Variants in ANXA10 observed in about 807,000 individuals in gnomAD.
The protein encoded by ANXA10 is annexin A10, also known as annexin 14.
ANXA10 carries 49 observed loss-of-function variants against 53.5 expected under a neutral mutation model. The observed-to-expected ratio is 0.92, with a 90% confidence interval of 0.73 to 1.16. The LOEUF is 1.16. Ranked by LOEUF, ANXA10 falls within the 50% of genes most tolerant of loss-of-function variation. The pLI, the probability that ANXA10 is intolerant of heterozygous loss-of-function variation, is 0.00. For synonymous variants in ANXA10, 131 were observed against 128.9 expected, an observed-to-expected ratio of 1.02 and a Z score of -0.11; for missense variants, 393 against 394.4, an observed-to-expected ratio of 1.00 and a Z score of 0.03.
At chr4:168,094,653 T>C (rs1730514141) in intron 1 of ANXA10, among the ~76,000 whole-genome samples, 2 of 152,076 alleles carry the variant, frequency 1.3e-5, no homozygotes, top group African/African-American at 4.8e-5. Context: ...ATATAACATC[T>C]GAACTTATAC....
intron 11 of ANXA10, among the ~76,000 whole-genome samples, chr4:168,185,393 A>G (rs1055215078): frequency 6.6e-6 from 1 of 152,202 alleles, no homozygotes; most frequent in Non-Finnish European, 1.5e-5. Flanking sequence ...TCATATTGTC[A>G]TAGAAGGCAG....
intron 3 of ANXA10, among the ~76,000 whole-genome samples, chr4:168,146,030 T>C (rs550444698): frequency 1.8e-4 from 27 of 151,402 alleles, no homozygotes; most frequent in Non-Finnish European, 3.4e-4. Context: ...TCAAGCAGCC[T>C]CCTGAGTAGC....
At chr4:168,143,755 T>C (rs947649043) in intron 3 of ANXA10, among the ~76,000 whole-genome samples, 1 of 152,190 alleles carries the variant, frequency 6.6e-6, no homozygotes, top group Non-Finnish European at 1.5e-5. Flanking sequence ...GTTTCTGTCA[T>C]TCATTTAACC....
chr4:168,100,333 T>G (rs1440057157), intron 1 of ANXA10, among the ~76,000 whole-genome samples: 1 of 152,146 alleles, frequency 6.6e-6, no homozygotes. Context: ...GAGTGGGATA[T>G]AAAACAGATT....
At chr4:168,118,684 T>C (rs1469542769) in intron 1 of ANXA10, among the ~76,000 whole-genome samples, 1 of 152,196 alleles carries the variant, frequency 6.6e-6, no homozygotes, top group Admixed American at 6.5e-5. Flanking sequence ...TTCAGAGCCA[T>C]TTCATGATGG....
At chr4:168,139,445 A>C in intron 2 of ANXA10, 41 bp from the exon 3 acceptor site, 1 of 1,555,974 alleles carries the variant, frequency 6.4e-7, no homozygotes, top group Non-Finnish European at 8.8e-7. Context: ...CCAACTACAA[A>C]GTAGCAACTT....
At chr4:168,115,555 G>C (rs1261145684) in intron 1 of ANXA10, among the ~76,000 whole-genome samples, 1 of 145,618 alleles carries the variant, frequency 6.9e-6, no homozygotes, top group East Asian at 2.0e-4. Context: ...CTTTCTTTTT[G>C]AACTGACGTA....
At chr4:168,110,133 C>G (rs1302547772) in intron 1 of ANXA10, among the ~76,000 whole-genome samples, 2 of 152,146 alleles carry the variant, frequency 1.3e-5, no homozygotes, top group Non-Finnish European at 2.9e-5. Flanking sequence ...ATGGCATGAA[C>G]CCGGAAGTTG....
At position 168,164,210 on chromosome 4, in the gene ANXA10, G is replaced by A; in HGVS notation, c.322G>A (p.Asp108Asn). 6.2e-7 allele frequency: 1 copy of A among 1,610,636 alleles called. No homozygotes were observed. The highest frequency in any genetic ancestry group is 1.1e-5 in the South Asian group (1 of 90,956). The change falls in exon 5 of 12, where the codon GAT becomes AAT. Residue 108 changes from aspartate (D) to asparagine (N), a missense_variant. By Grantham distance (23) the Asp-to-Asn change is conservative. Transcript: ENST00000359299. ...LWHAMKGVGT[D>N]ENCLIEILAS... ...TTCCTTTCTCTAGGGAGTAGGCACT[G>A]ATGAGAATTGCCTCATTGAAATACT...
rs760778401 is a variant in ANXA10, at chr4:168,165,253, G to A, written c.407G>A (p.Ser136Asn). ...QMREAYCLQY[S>N]NNLQEDIYSE... ...AACATGTTTTCTTATACAGAATACA[G>A]CAATAACCTCCAAGAGGACATTTAT... The change falls in exon 6 of 12, where the codon AGC (serine) becomes AAC (asparagine). Residue 136 changes from serine to asparagine, a missense_variant. By Grantham distance (46) the Ser-to-Asn change is conservative. Coordinates refer to ENST00000359299, the MANE Select transcript of ANXA10 (RefSeq NM_007193.5). 11 of 1,572,162 alleles carry A rather than the reference G, an allele frequency of 7.0e-6. No individual in the cohort carries two copies. The highest frequency in any genetic ancestry group is 8.7e-7 in the Non-Finnish European group (1 of 1,148,226).
At chr4:168,168,476 A>G (rs1176232194) in intron 6 of ANXA10, among the ~76,000 whole-genome samples, 2 of 151,832 alleles carry the variant, frequency 1.3e-5, no homozygotes, top group African/African-American at 4.8e-5. Context: ...CTGGAGTGCA[A>G]TGGTGCAATC....
intron 6 of ANXA10, among the ~76,000 whole-genome samples, chr4:168,169,737 A>G (rs868500912): frequency 2.8e-4 from 42 of 152,310 alleles, no homozygotes; most frequent in Middle Eastern, 3.4e-3. Flanking sequence ...GTTGAATTGT[A>G]CTGCTCCTAT....
At chr4:168,138,584 T>C (rs947849432) in intron 2 of ANXA10, among the ~76,000 whole-genome samples, 2 of 152,204 alleles carry the variant, frequency 1.3e-5, no homozygotes, top group East Asian at 1.9e-4. Context: ...AGGCCCTTTT[T>C]TGGCTCCATA....
chr4:168,118,145 G>A (rs1030632168), intron 1 of ANXA10, among the ~76,000 whole-genome samples: 6 of 151,222 alleles, frequency 4.0e-5, no homozygotes, highest in African/African-American at 7.3e-5. Context: ...TCAAAATGAC[G>A]TAACTAGAGG....
intron 3 of ANXA10, among the ~76,000 whole-genome samples, chr4:168,155,525 ATAATATAT>A (rs1186100772): frequency 0.012 from 304 of 26,252 alleles, 13 homozygotes; most frequent in Non-Finnish European, 0.016. Flanking sequence ...ATATAATTAT[ATAATATAT>A]AATTATATAT....
chr4:168,096,926 A>ATATATATATATATATATATATATG (rs371811709), intron 1 of ANXA10, among the ~76,000 whole-genome samples: 168 of 129,854 alleles, frequency 1.3e-3, no homozygotes, highest in Middle Eastern at 4.0e-3. Context: ...ATATATATAT[A>ATATATATATATATATATATATATG]TATGTATGTA....
At chr4:168,137,154 C>T (rs1322967913) in intron 2 of ANXA10, among the ~76,000 whole-genome samples, 1 of 152,160 alleles carries the variant, frequency 6.6e-6, no homozygotes, top group African/African-American at 2.4e-5. Context: ...TCAGATGTTG[C>T]TCCCATTTAA....
chr4:168,143,320 T>A (rs937762634), intron 3 of ANXA10, among the ~76,000 whole-genome samples: 2 of 152,242 alleles, frequency 1.3e-5, no homozygotes, highest in African/African-American at 4.8e-5. Context: ...TAAATTTTCA[T>A]TAACAAGAAT....
At chr4:168,112,768 C>G (rs1730831277) in intron 1 of ANXA10, among the ~76,000 whole-genome samples, 1 of 152,066 alleles carries the variant, frequency 6.6e-6, no homozygotes, top group South Asian at 2.1e-4. Context: ...TGCCTGTAAT[C>G]CCAGCATTTT....
Sources: gnomAD v4.1 joint callset for allele counts (sites outside exome capture counted in the v4.1 genomes callset) on GRCh38, gnomAD v4.1.1 for gene constraint, MANE v1.5 for transcripts, NCBI Gene and HGNC (gene_info 2026-07-23, HGNC 2026-07-21) for gene names.